IL7: variants seen among roughly 807,000 people sequenced by gnomAD.
IL7 encodes interleukin 7.
In IL7, 3 loss-of-function variants were observed where a neutral mutation model predicts 21.6. That is an observed-to-expected ratio of 0.14 (90% CI 0.06 to 0.36). IL7 has a LOEUF of 0.36. Among genes scored for constraint, IL7 ranks in the 10% least tolerant of loss-of-function variants. The pLI is 1.00. For missense variants in IL7, 175 were observed against 200.2 expected (o/e 0.87, Z 0.76); for synonymous variants, 62 against 68.1 (o/e 0.91, Z 0.44).
chr8:78,769,955 A>C (rs947119059), intron 2 of IL7, among the ~76,000 whole-genome samples: 35 of 152,210 alleles, frequency 2.3e-4, no homozygotes, highest in African/African-American at 8.4e-4. Flanking sequence ...TATTTAATAA[A>C]TGGTGCTGGG....
intron 2 of IL7, among the ~76,000 whole-genome samples, chr8:78,787,581 TC>T (rs1813554317): frequency 6.6e-6 from 1 of 152,206 alleles, no homozygotes; most frequent in African/African-American, 2.4e-5. Flanking sequence ...TTAAAGTGCA[TC>T]ATGGTGTATG....
At chr8:78,764,085 T>G (rs1812670009) in intron 2 of IL7, among the ~76,000 whole-genome samples, 1 of 152,140 alleles carries the variant, frequency 6.6e-6, no homozygotes, top group Non-Finnish European at 1.5e-5. Flanking sequence ...AATAGGCCAA[T>G]GAAGAAAAAT....
chr8:78,783,946 G>C (rs985480663), intron 2 of IL7, among the ~76,000 whole-genome samples: 1 of 152,136 alleles, frequency 6.6e-6, no homozygotes, highest in Non-Finnish European at 1.5e-5. Flanking sequence ...AAATAAGCGA[G>C]CCATTAGGTA....
intron 2 of IL7, among the ~76,000 whole-genome samples, chr8:78,782,333 C>T (rs1185180012): frequency 6.6e-6 from 1 of 152,174 alleles, no homozygotes; most frequent in South Asian, 2.1e-4. Context: ...GACTGTTTCT[C>T]ATCTTGCTGA....
intron 3 of IL7, among the ~76,000 whole-genome samples, chr8:78,696,985 A>G (rs1810441541): frequency 6.6e-6 from 1 of 152,158 alleles, no homozygotes; most frequent in Non-Finnish European, 1.5e-5. Context: ...TTTTCCTGTG[A>G]ACTGAAAAAG....
At chr8:78,766,301 G>A (rs1390455239) in intron 2 of IL7, among the ~76,000 whole-genome samples, 1 of 152,048 alleles carries the variant, frequency 6.6e-6, no homozygotes, top group Non-Finnish European at 1.5e-5. Flanking sequence ...AACACCAAGA[G>A]TGAATCTTAA....
At chr8:78,804,889 T>G (rs780098002) in intron 1 of IL7, 24 bp downstream of exon 1, 4 of 1,612,604 alleles carry the variant, frequency 2.5e-6, no homozygotes, top group East Asian at 2.2e-5. Flanking sequence ...CGCGAACTTG[T>G]GCGCAAGGGA....
At chr8:78,687,909 A>G in intron 3 of IL7, among the ~76,000 whole-genome samples, 1 of 56,364 alleles carries the variant, frequency 1.8e-5, no homozygotes, top group South Asian at 5.9e-4. Context: ...ATATATTTAT[A>G]TAAATATATA....
intron 4 of IL7, among the ~76,000 whole-genome samples, chr8:78,683,667 G>T (rs781301392): frequency 6.6e-5 from 10 of 152,084 alleles, no homozygotes; most frequent in African/African-American, 2.4e-4. Context: ...CCTTTGTCTT[G>T]GTGATTAACA....
chr8:78,680,701 A>C (rs1269869710), intron 4 of IL7, among the ~76,000 whole-genome samples: 1 of 152,198 alleles, frequency 6.6e-6, no homozygotes, highest in Non-Finnish European at 1.5e-5. Flanking sequence ...AGCAGTTGAA[A>C]TCCAGGAGAA....
chr8:78,695,441 A>G (rs754068854), intron 3 of IL7, among the ~76,000 whole-genome samples: 2 of 152,194 alleles, frequency 1.3e-5, no homozygotes, highest in African/African-American at 4.8e-5. Context: ...ACCTCTCAAT[A>G]TGTAATAGGC....
At chr8:78,736,189 T>C (rs1156559994) in intron 5 of IL7, among the ~76,000 whole-genome samples, 1 of 151,722 alleles carries the variant, frequency 6.6e-6, no homozygotes, top group Non-Finnish European at 1.5e-5. Flanking sequence ...TTTGTTCATT[T>C]CTTTTACGTG....
At chr8:78,795,022 A>T (rs1280671729) in intron 2 of IL7, among the ~76,000 whole-genome samples, 1 of 152,104 alleles carries the variant, frequency 6.6e-6, no homozygotes, top group Non-Finnish European at 1.5e-5. Flanking sequence ...AGAGTGGGGT[A>T]GAGAGCATGG....
chr8:78,716,863 G>A (rs920232973), downstream of IL7, among the ~76,000 whole-genome samples: 5 of 152,026 alleles, frequency 3.3e-5, no homozygotes, highest in Non-Finnish European at 7.4e-5. Flanking sequence ...GTATCTGATT[G>A]TTTAAAACTG....
At chr8:78,715,583 A>G (rs1811076360), downstream of IL7, among the ~76,000 whole-genome samples, 1 of 152,222 alleles carries the variant, frequency 6.6e-6, no homozygotes, top group African/African-American at 2.4e-5. Flanking sequence ...ATCCACATTA[A>G]TAAGAGTTTG....
intron 3 of IL7, chr8:78,686,702 C>T: frequency 7.8e-7 from 1 of 1,285,272 alleles, no homozygotes; most frequent in Non-Finnish European, 1.0e-6. Context: ...AACTTACAAT[C>T]ATGGAGTGTT....
At chr8:78,760,363 C>G in intron 2 of IL7, 1 of 1,610,722 alleles carries the variant, frequency 6.2e-7, no homozygotes, top group East Asian at 2.2e-5. Flanking sequence ...ACCTTCATCA[C>G]AGAAGAATAC....
At chr8:78,762,139 A>C (rs1812583841) in intron 2 of IL7, 2 of 1,596,670 alleles carry the variant, frequency 1.3e-6, no homozygotes, top group Non-Finnish European at 1.7e-6. Context: ...TGTGTCTACT[A>C]TGTGGGTTGT....
chr8:78,760,410 A>T, intron 2 of IL7: 2 of 1,601,352 alleles, frequency 1.2e-6, no homozygotes, highest in Non-Finnish European at 1.7e-6. Context: ...TTAGGAAAAA[A>T]CTTGATGTCA....
Sources: gnomAD v4.1 joint callset for allele counts (sites outside exome capture counted in the v4.1 genomes callset) on GRCh38, gnomAD v4.1.1 for gene constraint, MANE v1.5 for transcripts, NCBI Gene and HGNC (gene_info 2026-07-23, HGNC 2026-07-21) for gene names.